The following RBFOX1 variants were observed in gnomAD, a reference collection of about 807,000 sequenced individuals.
RBFOX1 encodes RNA binding protein fox-1 homolog 1.
RBFOX1 carries 8 observed loss-of-function variants against 57.7 expected under a neutral mutation model. The observed-to-expected ratio is 0.14, with a 90% CI of 0.08 to 0.25. RBFOX1 has a LOEUF of 0.25. Ranked by LOEUF, RBFOX1 falls within the 10% of genes least tolerant of loss-of-function variation. The pLI is 1.00. For missense variants in RBFOX1, 611 were observed against 548.5 expected (o/e 1.11, Z -1.14); for synonymous variants, 326 against 222.4 (o/e 1.47, Z -4.15).
chr16:6,175,713 A>G (rs1281125623), intron 1 of RBFOX1, among the ~76,000 whole-genome samples: 3 of 152,188 alleles, frequency 2.0e-5, no homozygotes, highest in African/African-American at 7.2e-5. Context: ...CTGGATTTCT[A>G]AGTGGTTCCC....
chr16:6,871,715 A>G (rs2060919200), intron 3 of RBFOX1, among the ~76,000 whole-genome samples: 1 of 152,120 alleles, frequency 6.6e-6, no homozygotes, highest in Non-Finnish European at 1.5e-5. Flanking sequence ...CATATACCAG[A>G]AAGAGTGATT....
chr16:5,866,309 G>A (rs910276499), intron 3 of RBFOX1, among the ~76,000 whole-genome samples: 18 of 152,182 alleles, frequency 1.2e-4, no homozygotes, highest in African/African-American at 4.3e-4. Context: ...CATCATGAGG[G>A]CCTACCTTCA....
rs1317652704 is a variant in RBFOX1 at position 7,555,337 on chromosome 16, G to C, written c.271-24440G>C. Among the ~76,000 whole-genome samples, 11 of 152,280 alleles carry C rather than the reference G, an allele frequency of 7.2e-5. No homozygotes were observed. The South Asian group carries it at 2.1e-3, about 29-fold the overall frequency. ...ATTCTGGAACAGAAAAAGGACATAA[G>C]TAGAAAGGCTGTGGAAATTTCAGTA... On this transcript the variant is annotated intron_variant, in intron 5 of 15. Coordinates refer to ENST00000550418, the MANE Select transcript of RBFOX1 (RefSeq NM_018723.4).
chr16:6,936,830 GA>G (rs2077446124), intron 3 of RBFOX1, among the ~76,000 whole-genome samples: 1 of 151,202 alleles, frequency 6.6e-6, no homozygotes, highest in Admixed American at 6.6e-5. Context: ...GGTTCTTTCC[GA>G]ATGCTCAAAA....
chr16:6,032,272 G>T (rs747288467), intron 1 of RBFOX1, among the ~76,000 whole-genome samples: 2 of 151,948 alleles, frequency 1.3e-5, no homozygotes, highest in African/African-American at 2.4e-5. Context: ...GTCCTCATTT[G>T]TTCAACATTT....
chr16:5,852,895 A>C (rs1437242510), intron 3 of RBFOX1, among the ~76,000 whole-genome samples: 1 of 151,994 alleles, frequency 6.6e-6, no homozygotes, highest in Non-Finnish European at 1.5e-5. Context: ...GCAGACTCTT[A>C]CCCATCCTGC....
chr16:6,779,891 ATATATATTTATATATATT>A lies in RBFOX1; in HGVS notation c.-16+125267_-16+125284del, dbSNP rs1567209829. Among the ~76,000 whole-genome samples, 11 of 28,452 alleles carry A rather than the reference ATATATATTTATATATATT, an allele frequency of 3.9e-4. 1 individual carries two copies. Among genetic ancestry groups the A allele is most frequent in the Non-Finnish European group, 5.5e-4 (10 of 18,026 alleles). 18.7% of individuals were successfully genotyped at this position (28,452 alleles called of 152,430 possible). A position where few individuals can be genotyped will look rare whatever the true frequency, so the allele number is the denominator to read the frequency against. Reference sequence around the variant, plus strand: ...TATTTATATATATTTATATATATTTATATATATTTATATATATTTATATATTTATATATATTTATATAT... The same window carrying A: ...TATTTATATATATTTATATATATTTATATATATTTATATATATTTATATAT... On this transcript the variant is annotated intron_variant, in intron 3 of 15. Transcript: ENST00000550418.
chr16:5,675,516 A>C (rs770207753), intron 3 of RBFOX1, among the ~76,000 whole-genome samples: 1 of 152,202 alleles, frequency 6.6e-6, no homozygotes, highest in African/African-American at 2.4e-5. Context: ...CTCTTTCTCA[A>C]TTGGACCCAA....
At chr16:7,047,423 G>A (rs1181246335) in intron 3 of RBFOX1, among the ~76,000 whole-genome samples, 1 of 152,084 alleles carries the variant, frequency 6.6e-6, no homozygotes. Flanking sequence ...TAAATCCATA[G>A]TTCTTTGAAT....
intron 3 of RBFOX1, among the ~76,000 whole-genome samples, chr16:5,843,693 A>T (rs939995374): frequency 1.3e-5 from 2 of 152,232 alleles, no homozygotes; most frequent in African/African-American, 4.8e-5. Context: ...CATGTTATAG[A>T]TGAAAAAACA....
rs72776829 is a variant in RBFOX1, at chr16:7,650,181, C to T, written c.758-3634C>T. On this transcript the variant is annotated intron_variant, in intron 11 of 15. Coordinates refer to ENST00000550418, the MANE Select transcript of RBFOX1 (RefSeq NM_018723.4). ...AGCATTTTTCTAACTAGAGATTTCA[C>T]GAAAGGGCCCCTTGGCCAGCCCTAG... is the stretch of plus-strand genomic sequence containing the variant. 5.6e-3 allele frequency among the ~76,000 whole-genome samples: 857 copies of T among 152,250 alleles called. 10 individuals carry two copies. Among genetic ancestry groups the T allele is most frequent in the Non-Finnish European group, 8.4e-3 (574 of 68,018 alleles).
At chr16:6,851,331 G>T (rs1236399633) in intron 3 of RBFOX1, among the ~76,000 whole-genome samples, 2 of 152,056 alleles carry the variant, frequency 1.3e-5, no homozygotes, top group South Asian at 2.1e-4. Context: ...TTTGTCTGTG[G>T]ACTATTTTTT....
chr16:5,350,477 A>T (rs757097752), intron 1 of RBFOX1, among the ~76,000 whole-genome samples: 1 of 152,116 alleles, frequency 6.6e-6, no homozygotes, highest in Non-Finnish European at 1.5e-5. Flanking sequence ...TGGGTCCAGT[A>T]CCATTTAGTT....
At chr16:7,131,938 A>G (rs1464735716) in intron 4 of RBFOX1, among the ~76,000 whole-genome samples, 4 of 151,988 alleles carry the variant, frequency 2.6e-5, no homozygotes, top group Non-Finnish European at 4.4e-5. Context: ...TCTCACTGGC[A>G]AGTTAGAATC....
At position 5,983,470 on chromosome 16, in the gene RBFOX1, T is replaced by G. The variant is rs1336424592; in HGVS notation, c.351+116135T>G. Among the ~76,000 whole-genome samples, 3 of 152,120 alleles carry G rather than the reference T, an allele frequency of 2.0e-5. No homozygotes were observed. In the South Asian group the frequency reaches 6.2e-4, roughly 31 times the overall value. ...GGGCTGGGGCCCTGGCACTGACTCA[T>G]GGAACCTTCCAGTGAAGAGAGGGGT... is the stretch of plus-strand genomic sequence containing the variant. On this transcript the variant is annotated intron_variant, in intron 4 of 19. Coordinates refer to the RBFOX1 transcript ENST00000641259.
intron 1 of RBFOX1, among the ~76,000 whole-genome samples, chr16:6,237,076 A>G (rs750835990): frequency 6.6e-6 from 1 of 152,202 alleles, no homozygotes; most frequent in Admixed American, 6.5e-5. Context: ...TGTCTAAGGA[A>G]GTCTTCGGGT....
intron 10 of RBFOX1, chr16:7,614,862 C>G (rs1217562721): frequency 6.6e-6 from 1 of 152,196 alleles, no homozygotes; most frequent in African/African-American, 2.4e-5. Context: ...TCTGGGAAAG[C>G]TTACCTCATT....
intron 13 of RBFOX1, among the ~76,000 whole-genome samples, chr16:7,668,801 G>A (rs2070357486): frequency 6.6e-6 from 1 of 152,282 alleles, no homozygotes; most frequent in South Asian, 2.1e-4. Flanking sequence ...TAATTAAAAA[G>A]TGGATCAAGT....
chr16:7,058,866 T>C (rs1049328969), intron 4 of RBFOX1, among the ~76,000 whole-genome samples: 1 of 152,298 alleles, frequency 6.6e-6, no homozygotes, highest in South Asian at 2.1e-4. Flanking sequence ...TAAAGATAAA[T>C]ATTAACTTCA....
Sources: allele counts gnomAD v4.1 joint callset (sites outside exome capture counted in the v4.1 genomes callset), GRCh38; gene constraint gnomAD v4.1.1; transcripts MANE v1.5; gene names NCBI Gene and HGNC (gene_info 2026-07-23, HGNC 2026-07-21).